The following FCSK variants were observed in gnomAD, a reference collection of about 807,000 sequenced individuals.
The protein encoded by FCSK is L-fucose kinase.
In FCSK, 123 loss-of-function variants were observed where a neutral mutation model predicts 122.5. That is an observed-to-expected ratio of 1.00 (90% CI 0.87 to 1.17). FCSK has a LOEUF of 1.17. Ranked by LOEUF, FCSK falls within the 50% of genes most tolerant of loss-of-function variation. The pLI is 0.00. For missense variants in FCSK, 1,366 were observed against 1,450.4 expected (o/e 0.94, Z 0.95); for synonymous variants, 620 against 625.5 (o/e 0.99, Z 0.13).
In FCSK at chr16:70,474,699, G is replaced by T; in HGVS notation, c.2155+5G>T. ...CGGCCCGTGTGGATTTCTCTGGTGA[G>T]CCCCTTGTGGCAGGTGGGGTTGAGG... On this transcript the variant is annotated splice_donor_5th_base_variant and intron_variant, in intron 17 of 23. Coordinates refer to ENST00000288078, the MANE Select transcript of FCSK (RefSeq NM_145059.3). 1 of 1,596,330 alleles carries T rather than the reference G, an allele frequency of 6.3e-7. No individual in the cohort carries two copies.
chr16:70,471,108 G>A (rs2048600763), intron 12 of FCSK, 36 bp downstream of exon 12: 5 of 1,590,960 alleles, frequency 3.1e-6, no homozygotes, highest in Middle Eastern at 1.7e-4. Context: ...TGGGGCGAGG[G>A]TGCTGGCATC....
At chr16:70,466,549 T>C (rs2048423918) in intron 5 of FCSK, 1 of 476,258 alleles carries the variant, frequency 2.1e-6, no homozygotes, top group South Asian at 3.0e-5. Flanking sequence ...TTTAAAAAAT[T>C]ACCTGGGCAT....
chr16:70,457,757 G>A (rs1343661857), intron 1 of FCSK, among the ~76,000 whole-genome samples: 1 of 138,212 alleles, frequency 7.2e-6, no homozygotes, highest in African/African-American at 3.4e-5. Context: ...TATGTGTGTG[G>A]TTTTTTGTTT....
At position 70,479,844 on chromosome 16, in the gene FCSK, C is replaced by G; in HGVS notation, c.*164C>G. 1 of 591,222 alleles carries G rather than the reference C, an allele frequency of 1.7e-6. No homozygotes were observed. Among genetic ancestry groups the G allele is most frequent in the Non-Finnish European group, 3.0e-6 (1 of 333,570 alleles). 36.6% of individuals were successfully genotyped at this position (591,222 alleles called of 1,614,324 possible). On this transcript the variant is annotated 3_prime_UTR_variant, in exon 24 of 24. Transcript: ENST00000288078. The stretch of plus-strand genomic sequence containing the variant: ...CTGGGCAAGCAGAGAGTGCCTGGGA[C>G]AGGACTGTGACCTGGTGGACAGGGG...
chr16:70,471,104 G>C, intron 12 of FCSK, 32 bp downstream of exon 12: 1 of 1,590,812 alleles, frequency 6.3e-7, no homozygotes, highest in Non-Finnish European at 8.5e-7. Flanking sequence ...AGATTGGGGC[G>C]AGGGTGCTGG....
At position 70,468,838 on chromosome 16, in the gene FCSK, G is replaced by T. The variant is rs769979963; in HGVS notation, c.664-11G>T. The T allele has an allele frequency of 6.2e-7, 1 of 1,613,852 alleles. No homozygotes were observed. The highest frequency in any genetic ancestry group is 8.5e-7 in the Non-Finnish European group (1 of 1,179,996). The stretch of plus-strand genomic sequence containing the variant: ...GCCCTCCATCTCTGATCCTTTTGGG[G>T]TCCCTTCCAGGTCTCTGGGGTTGTC... On this transcript the variant is annotated splice_polypyrimidine_tract_variant and intron_variant, in intron 8 of 23. Transcript: ENST00000288078.
intron 13 of FCSK, 98 bp from the exon 14 acceptor site, chr16:70,472,443 T>G: frequency 1.1e-6 from 1 of 897,776 alleles, no homozygotes; most frequent in South Asian, 1.7e-5. Context: ...CTTCCTGCCC[T>G]CATGTGAGCA....
At chr16:70,467,326 G>T (rs748645229) in intron 6 of FCSK, 48 bp from the exon 7 acceptor site, 51 of 1,371,392 alleles carry the variant, frequency 3.7e-5, no homozygotes, top group Non-Finnish European at 4.8e-5. Context: ...GGAAATCCGT[G>T]CCTTGGGTGG....
intron 8 of FCSK, among the ~76,000 whole-genome samples, chr16:70,468,362 G>T (rs1203461727): frequency 6.6e-6 from 1 of 152,256 alleles, no homozygotes; most frequent in African/African-American, 2.4e-5. Context: ...GGAGGTTGCG[G>T]TGAGCAGAGA....
chr16:70,470,828 A>C, intron 11 of FCSK, 143 bp from the exon 12 acceptor site: 1 of 699,910 alleles, frequency 1.4e-6, no homozygotes, highest in East Asian at 2.7e-5. Flanking sequence ...GGGCCAAGGC[A>C]GGTCCAGAGA....
chr16:70,467,466 C>G lies in FCSK; in HGVS notation c.577C>G (p.Pro193Ala). The G allele has an allele frequency of 6.3e-7, 1 of 1,596,568 alleles. No homozygotes were observed. Among genetic ancestry groups the G allele is most frequent in the African/African-American group, 1.3e-5 (1 of 74,498 alleles). Residue 193 changes from proline (P) to alanine (A), a missense_variant, in exon 7 of 24, where the codon CCC (proline) becomes GCC (alanine). Coordinates refer to ENST00000288078, the MANE Select transcript of FCSK (RefSeq NM_145059.3). ...AQNHGVYLTD[P>A]QGLVLDIYYQ... ...GAATCATGGCGTCTACCTAACTGAC[C>G]CCCAGGTAGTGCCCCTGGGGACAGT...
chr16:70,477,423 C>G (rs1410415375), intron 20 of FCSK: 2 of 152,132 alleles, frequency 1.3e-5, no homozygotes, highest in African/African-American at 4.8e-5. Flanking sequence ...ACCTCATGAT[C>G]CGCCTGCCTT....
chr16:70,469,664 C>G (rs560787991), intron 10 of FCSK, among the ~76,000 whole-genome samples: 2 of 152,168 alleles, frequency 1.3e-5, no homozygotes, highest in Non-Finnish European at 2.9e-5. Context: ...AGCAATTCTC[C>G]TGCCTCAGCC....
chr16:70,456,753 G>A (rs1205232300), intron 1 of FCSK, among the ~76,000 whole-genome samples: 1 of 152,200 alleles, frequency 6.6e-6, no homozygotes, highest in Non-Finnish European at 1.5e-5. Flanking sequence ...GGGCATGGTG[G>A]CTCACGCCTG....
At chr16:70,478,032 T>A in intron 20 of FCSK, 1 of 547,640 alleles carries the variant, frequency 1.8e-6, no homozygotes, top group Non-Finnish European at 3.2e-6. Context: ...ATTCCAATTA[T>A]ACATTAGGTC....
intron 13 of FCSK, 127 bp downstream of exon 13, chr16:70,471,479 G>C: frequency 1.0e-6 from 1 of 958,560 alleles, no homozygotes; most frequent in South Asian, 1.7e-5. Context: ...GAGGAGGGTC[G>C]GATGTAGGGA....
chr16:70,466,146 C>G lies in FCSK; in HGVS notation c.300C>G (p.Pro100=), dbSNP rs770781028. 5.6e-6 allele frequency: 9 copies of G among 1,613,872 alleles called. No homozygotes were observed. In the African/African-American group the frequency reaches 1.1e-4, roughly 19 times the overall value. ...CCGACTTCCAGGGTCGAGACTTCCC[C>G]TTTGATGACTGTGGCAGGGCTTTCA... ...ILILHMGRDF[P]FDDCGRAFTC... Residue 100 remains proline (P), a synonymous_variant, in exon 5 of 24, where the codon CCC becomes CCG. Coordinates refer to ENST00000288078, the MANE Select transcript of FCSK (RefSeq NM_145059.3).
intron 18 of FCSK, 77 bp downstream of exon 18, chr16:70,475,088 GT>G: frequency 7.3e-7 from 1 of 1,376,272 alleles, no homozygotes; most frequent in Non-Finnish European, 9.9e-7. Context: ...CTGCAGGCCA[GT>G]GGGGTCTGGC....
At chr16:70,465,080 G>A in intron 3 of FCSK, 46 bp from the exon 4 acceptor site, 1 of 1,609,770 alleles carries the variant, frequency 6.2e-7, no homozygotes, top group Non-Finnish European at 8.5e-7. Context: ...ATCCTCCAGG[G>A]CGTCTGCCTG....
Sources: allele counts gnomAD v4.1 joint callset (sites outside exome capture counted in the v4.1 genomes callset), GRCh38; gene constraint gnomAD v4.1.1; transcripts MANE v1.5; gene names NCBI Gene and HGNC (gene_info 2026-07-23, HGNC 2026-07-21).